The following MTBP variants were observed in gnomAD, a reference collection of about 807,000 sequenced individuals.
MTBP encodes MDM2 binding protein, also known as mdm2-binding protein.
MTBP carries 101 observed loss-of-function variants against 117.0 expected under a neutral mutation model. The observed-to-expected ratio is 0.86, with a 90% CI of 0.73 to 1.02. MTBP has a LOEUF of 1.02. MTBP is among the 50% of genes least tolerant of loss of function. The pLI is 0.00. For missense variants in MTBP, 970 were observed against 1,030.9 expected (o/e 0.94, Z 0.81); for synonymous variants, 350 against 351.5 (o/e 1.00, Z 0.05).
intron 10 of MTBP, 123 bp downstream of exon 10, chr8:120,463,884 A>G: frequency 1.2e-6 from 1 of 866,028 alleles, no homozygotes; most frequent in Admixed American, 2.4e-5. Flanking sequence ...TCTTTAATGT[A>G]ATATAGGATA....
intron 2 of MTBP, among the ~76,000 whole-genome samples, chr8:120,449,878 A>G (rs1350396447): frequency 6.6e-6 from 1 of 152,186 alleles, no homozygotes; most frequent in Non-Finnish European, 1.5e-5. Context: ...TTTCAGTGGC[A>G]TATTGGAGAC....
At chr8:120,478,732 A>G (rs151055161) in intron 11 of MTBP, among the ~76,000 whole-genome samples, 7 of 152,352 alleles carry the variant, frequency 4.6e-5, no homozygotes, top group African/African-American at 1.2e-4. Context: ...TCAAATCACC[A>G]TGGTGAAAGT....
intron 20 of MTBP, among the ~76,000 whole-genome samples, chr8:120,519,609 A>G (rs1411062982): frequency 6.6e-6 from 1 of 152,140 alleles, no homozygotes; most frequent in African/African-American, 2.4e-5. Flanking sequence ...ACAAGAAAAA[A>G]CTGGAAATGT....
chr8:120,446,074 T>TGCA (rs1813219853), intron 1 of MTBP, among the ~76,000 whole-genome samples: 1 of 152,212 alleles, frequency 6.6e-6, no homozygotes, highest in South Asian at 2.1e-4. Context: ...GGTGCACCCG[T>TGCA]CTAGATTCAA....
At chr8:120,455,661 C>G in intron 6 of MTBP, 82 bp downstream of exon 6, 1 of 1,342,866 alleles carries the variant, frequency 7.4e-7, no homozygotes, top group Non-Finnish European at 1.0e-6. Flanking sequence ...TCAGACTCAG[C>G]GTTTGAAAAT....
At chr8:120,497,907 A>G (rs1159557572) in intron 14 of MTBP, among the ~76,000 whole-genome samples, 3 of 152,224 alleles carry the variant, frequency 2.0e-5, no homozygotes, top group Non-Finnish European at 4.4e-5. Context: ...AGCAAAATCT[A>G]CATAGTAAAT....
chr8:120,512,418 T>TG (rs1405290348), intron 17 of MTBP, among the ~76,000 whole-genome samples: 1 of 152,166 alleles, frequency 6.6e-6, no homozygotes, highest in East Asian at 1.9e-4. Flanking sequence ...TTGTTTATTC[T>TG]GTGTCTCCAT....
In MTBP at chr8:120,456,543, T is replaced by G; in HGVS notation, c.630-10T>G. On this transcript the variant is annotated splice_polypyrimidine_tract_variant and intron_variant, in intron 6 of 21. Transcript: ENST00000305949. Reference sequence around the variant, plus strand: ...CCCTGTGTTTAATTGTTGTAATCTTTTTTTTATAGAAACTGTCAGAAAATT... The same window carrying G: ...CCCTGTGTTTAATTGTTGTAATCTTGTTTTTATAGAAACTGTCAGAAAATT... The G allele has an allele frequency of 7.2e-7, 1 of 1,388,182 alleles. No individual in the cohort carries two copies. Among genetic ancestry groups the G allele is most frequent in the Non-Finnish European group, 1.0e-6 (1 of 989,180 alleles). 86.0% of individuals were successfully genotyped at this position (1,388,182 alleles called of 1,614,324 possible). A position where few individuals can be genotyped will look rare whatever the true frequency, so the allele number is the denominator to read the frequency against.
At chr8:120,493,143 A>G (rs1225160826) in intron 13 of MTBP, among the ~76,000 whole-genome samples, 2 of 152,192 alleles carry the variant, frequency 1.3e-5, no homozygotes, top group Non-Finnish European at 2.9e-5. Flanking sequence ...TTCTGCTTCT[A>G]CATTTTTCTT....
intron 11 of MTBP, among the ~76,000 whole-genome samples, chr8:120,478,890 C>T (rs1814007182): frequency 6.6e-6 from 1 of 152,104 alleles, no homozygotes; most frequent in Non-Finnish European, 1.5e-5. Flanking sequence ...CCATAAACAC[C>T]ATGGACTACT....
intron 11 of MTBP, among the ~76,000 whole-genome samples, chr8:120,487,402 C>T (rs1814243051): frequency 6.6e-6 from 1 of 152,176 alleles, no homozygotes; most frequent in African/African-American, 2.4e-5. Context: ...TTTCTGCTTT[C>T]AAATTTTAGT....
intron 10 of MTBP, among the ~76,000 whole-genome samples, chr8:120,464,412 T>G (rs1813644186): frequency 6.6e-6 from 1 of 151,536 alleles, no homozygotes; most frequent in South Asian, 2.1e-4. Flanking sequence ...ACTGTTATGT[T>G]TCTGTGAAAA....
intron 7 of MTBP, among the ~76,000 whole-genome samples, chr8:120,456,887 C>T (rs1813480844): frequency 6.6e-6 from 1 of 152,074 alleles, no homozygotes. Flanking sequence ...AGTAGTTCCA[C>T]CAATGAACTG....
chr8:120,457,378 A>G (rs1351283921), intron 7 of MTBP, among the ~76,000 whole-genome samples: 1 of 152,146 alleles, frequency 6.6e-6, no homozygotes, highest in African/African-American at 2.4e-5. Flanking sequence ...AAAGTTTCTT[A>G]ATGTTTATTT....
At chr8:120,511,749 A>G (rs1814814407) in intron 17 of MTBP, among the ~76,000 whole-genome samples, 1 of 152,200 alleles carries the variant, frequency 6.6e-6, no homozygotes, top group Non-Finnish European at 1.5e-5. Context: ...AGAAAAGTTT[A>G]TAATGAAAAC....
chr8:120,503,596 C>T (rs1183584374), intron 15 of MTBP, among the ~76,000 whole-genome samples: 2 of 151,950 alleles, frequency 1.3e-5, no homozygotes, highest in Admixed American at 6.6e-5. Flanking sequence ...ATACACAGTT[C>T]AGATTTCATT....
At chr8:120,445,922 C>T (rs894852849) in intron 1 of MTBP, among the ~76,000 whole-genome samples, 2 of 152,122 alleles carry the variant, frequency 1.3e-5, no homozygotes, top group African/African-American at 4.8e-5. Context: ...GCAAATAATA[C>T]GGAAAGGAGC....
chr8:120,518,736 G>A lies in MTBP; in HGVS notation c.2529G>A (p.Lys843=). The A allele has an allele frequency of 6.2e-7, 1 of 1,610,908 alleles. No homozygotes were observed. Among genetic ancestry groups the A allele is most frequent in the Non-Finnish European group, 8.5e-7 (1 of 1,178,256 alleles). ...AAGAAGTAGTTACTGAAACCCTGAA[G>A]AAACACAGTATTACCGAGACTCATG... ...ILKEVVTETL[K]KHSITETHEC... is the part of the protein sequence containing the mutation. Residue 843 remains lysine (K), a synonymous_variant, in exon 20 of 22, where the codon AAG becomes AAA. Transcript: ENST00000305949.
chr8:120,457,911 A>G (rs35293194), intron 7 of MTBP, among the ~76,000 whole-genome samples: 8,393 of 147,326 alleles, frequency 0.057, 364 homozygotes, highest in Non-Finnish European at 0.081. Context: ...GCGCCACTGC[A>G]CTCCAGCCTG....
Sources: gnomAD v4.1 joint callset for allele counts (sites outside exome capture counted in the v4.1 genomes callset) on GRCh38, gnomAD v4.1.1 for gene constraint, MANE v1.5 for transcripts, NCBI Gene and HGNC (gene_info 2026-07-23, HGNC 2026-07-21) for gene names.